Variants in CDK14 observed in about 807,000 individuals in gnomAD.
The protein encoded by CDK14 is cyclin-dependent kinase 14.
A neutral mutation model predicts 60.7 loss-of-function variants in CDK14; 34 were observed. That is an observed-to-expected ratio of 0.56 (90% CI 0.43 to 0.75). The LOEUF is 0.75. CDK14 is among the 30% of genes least tolerant of loss of function. CDK14 has a pLI of 0.00. For synonymous variants in CDK14, 197 were observed against 203.7 expected (o/e 0.97, Z 0.28); for missense variants, 482 against 564.1 (o/e 0.85, Z 1.47).
rs549788701 is a variant in CDK14, at chr7:90,675,577, CT to C, written c.124-50987del. On this transcript the variant is annotated intron_variant, in intron 2 of 14. Coordinates refer to ENST00000380050, the MANE Select transcript of CDK14 (RefSeq NM_001287135.2). ...GCCAACTCTATAAGACTTTATAAAA[CT>C]TTAAAACACCACTTTCTTGAATCTC... is the stretch of plus-strand genomic sequence containing the variant. Among the ~76,000 whole-genome samples, 343 of 152,230 alleles carry C rather than the reference CT, an allele frequency of 2.3e-3. 2 individuals are homozygous for C. The highest frequency in any genetic ancestry group is 7.6e-3 in the African/African-American group (317 of 41,546).
At chr7:91,110,475 G>T (rs1799439332) in intron 12 of CDK14, among the ~76,000 whole-genome samples, 1 of 152,022 alleles carries the variant, frequency 6.6e-6, no homozygotes, top group South Asian at 2.1e-4. Context: ...GGAACTGGAG[G>T]GACTGCAGAC....
intron 5 of CDK14, among the ~76,000 whole-genome samples, chr7:90,805,551 A>G (rs1286967814): frequency 6.6e-6 from 1 of 152,128 alleles, no homozygotes; most frequent in Non-Finnish European, 1.5e-5. Flanking sequence ...TAAAAAAGAA[A>G]TACCTAGGGA....
intron 8 of CDK14, among the ~76,000 whole-genome samples, chr7:90,933,855 T>A (rs539058499): frequency 1.3e-5 from 2 of 152,370 alleles, no homozygotes; most frequent in East Asian, 3.9e-4. Flanking sequence ...TTGATGTTCA[T>A]GTGGACAGCA....
intron 5 of CDK14, among the ~76,000 whole-genome samples, chr7:90,856,249 G>A (rs1411734427): frequency 1.3e-5 from 2 of 152,046 alleles, no homozygotes; most frequent in Admixed American, 6.5e-5. Context: ...TTAACCTTAC[G>A]TTTAGAGTTG....
chr7:90,982,259 C>A (rs118115729), intron 9 of CDK14, among the ~76,000 whole-genome samples: 2,506 of 152,250 alleles, frequency 0.016, 23 homozygotes, highest in Non-Finnish European at 0.022. Context: ...AGAGGAGATG[C>A]ATTTAAACAG....
intron 8 of CDK14, among the ~76,000 whole-genome samples, chr7:90,946,789 C>CA (rs1425170665): frequency 2.6e-5 from 4 of 152,038 alleles, no homozygotes; most frequent in Non-Finnish European, 4.4e-5. Context: ...AAACAAAAAA[C>CA]AAAAAACAAA....
intron 2 of CDK14, among the ~76,000 whole-genome samples, chr7:90,658,013 G>C (rs557506587): frequency 6.6e-6 from 1 of 152,156 alleles, no homozygotes; most frequent in South Asian, 2.1e-4. Flanking sequence ...TCTCAATTTA[G>C]ATTTGTCTGA....
At chr7:90,832,784 T>C (rs1470543086) in intron 5 of CDK14, among the ~76,000 whole-genome samples, 4 of 152,276 alleles carry the variant, frequency 2.6e-5, no homozygotes, top group Admixed American at 1.3e-4. Context: ...CTTAAGAACA[T>C]AGGTCATGAA....
chr7:90,830,339 A>G (rs990676258), intron 5 of CDK14, among the ~76,000 whole-genome samples: 7 of 152,144 alleles, frequency 4.6e-5, no homozygotes, highest in Non-Finnish European at 7.3e-5. Flanking sequence ...TCTGAAGCAA[A>G]GGCCCAAGTT....
At chr7:90,940,577 G>T (rs1434147131) in intron 8 of CDK14, among the ~76,000 whole-genome samples, 1 of 152,066 alleles carries the variant, frequency 6.6e-6, no homozygotes, top group Non-Finnish European at 1.5e-5. Flanking sequence ...CTTGAGTCCA[G>T]GAATTCTAGA....
intron 14 of CDK14, among the ~76,000 whole-genome samples, chr7:91,138,303 G>C (rs1040575840): frequency 6.6e-6 from 1 of 152,122 alleles, no homozygotes; most frequent in African/African-American, 2.4e-5. Context: ...GTGATTTCGT[G>C]TGGAAGTACA....
chr7:90,596,934 TTCTC>T (rs1480404149), intron 1 of CDK14, among the ~76,000 whole-genome samples: 3 of 152,114 alleles, frequency 2.0e-5, no homozygotes, highest in Non-Finnish European at 4.4e-5. Flanking sequence ...CATTTGTAGA[TTCTC>T]TCAAGCCTAC....
At chr7:91,007,970 G>A (rs1796026357) in intron 10 of CDK14, among the ~76,000 whole-genome samples, 1 of 151,690 alleles carries the variant, frequency 6.6e-6, no homozygotes, top group African/African-American at 2.4e-5. Flanking sequence ...AGCCTTTGTG[G>A]TCAGTGTGTG....
At chr7:90,943,374 A>G (rs1233027216) in intron 8 of CDK14, among the ~76,000 whole-genome samples, 1 of 152,162 alleles carries the variant, frequency 6.6e-6, no homozygotes, top group Non-Finnish European at 1.5e-5. Flanking sequence ...ATAAATAATA[A>G]CAGATTTATA....
At chr7:90,664,684 C>T (rs1301573690) in intron 2 of CDK14, among the ~76,000 whole-genome samples, 1 of 149,636 alleles carries the variant, frequency 6.7e-6, no homozygotes, top group Non-Finnish European at 1.5e-5. Flanking sequence ...CAAACTATCG[C>T]AAGGACAAAA....
At position 91,112,633 on chromosome 7, in the gene CDK14, C is replaced by T. The variant is rs562036988; in HGVS notation, c.1246C>T (p.His416Tyr). The T allele has an allele frequency of 1.2e-6, 2 of 1,613,748 alleles. No homozygotes were observed. The highest frequency in any genetic ancestry group is 2.7e-5 in the African/African-American group (2 of 74,980). ...ACTGTCGGCACAGGCTGCCTTGAGCCACGAGTATTTTAGTGACCTGCCGCC... is the reference window on the plus strand; with the variant it reads ...ACTGTCGGCACAGGCTGCCTTGAGCTACGAGTATTTTAGTGACCTGCCGCC... ...NRLSAQAALS[H>Y]EYFSDLPPRL... The change falls in exon 13 of 15, where the codon CAC becomes TAC. Residue 416 changes from histidine (H) to tyrosine (Y), a missense_variant. His to Tyr is a moderately conservative substitution (Grantham distance 83). Transcript: ENST00000380050.
At chr7:91,066,440 G>GT (rs1245815195) in intron 11 of CDK14, among the ~76,000 whole-genome samples, 10 of 152,120 alleles carry the variant, frequency 6.6e-5, no homozygotes, top group Admixed American at 6.5e-4. Flanking sequence ...CATATGTGAA[G>GT]TTTTTTATTG....
At chr7:91,078,522 G>T (rs555465798) in intron 11 of CDK14, among the ~76,000 whole-genome samples, 49 of 152,248 alleles carry the variant, frequency 3.2e-4, no homozygotes, top group South Asian at 8.3e-4. Flanking sequence ...CAGGAGAATC[G>T]CTTGAATCCG....
chr7:91,093,661 T>G (rs2116284029), intron 12 of CDK14, among the ~76,000 whole-genome samples: 1 of 152,334 alleles, frequency 6.6e-6, no homozygotes, highest in African/African-American at 2.4e-5. Context: ...GACTCAGCAA[T>G]TCCATTACTG....
Sources: gnomAD v4.1 joint callset for allele counts (sites outside exome capture counted in the v4.1 genomes callset) on GRCh38, gnomAD v4.1.1 for gene constraint, MANE v1.5 for transcripts, NCBI Gene and HGNC (gene_info 2026-07-23, HGNC 2026-07-21) for gene names.